HS3ST4: variants seen among roughly 807,000 people sequenced by gnomAD.
The protein encoded by HS3ST4 is heparan sulfate-glucosamine 3-sulfotransferase 4, also known as heparan sulfate glucosamine 3-O-sulfotransferase 4.
Under a neutral mutation model 29.2 loss-of-function variants are expected in HS3ST4, and 17 were observed. The ratio of observed to expected loss-of-function variants is 0.58; its 90% confidence interval spans 0.40 to 0.87. The LOEUF (loss-of-function observed/expected upper bound fraction) is 0.87, where lower values mean the gene tolerates loss of function less well. HS3ST4 is among the 40% of genes least tolerant of loss of function. The probability of loss-of-function intolerance (pLI) is 0.00; values close to 1 mark genes in which losing one functional copy is unlikely to be tolerated. For missense variants in HS3ST4, 627 were observed against 634.5 expected, an observed-to-expected ratio of 0.99 and a Z score of 0.13; for synonymous variants, 314 against 285.7, an observed-to-expected ratio of 1.10 and a Z score of -1.00.
chr16:25,872,356 AC>A (rs1967763968), intron 1 of HS3ST4, among the ~76,000 whole-genome samples: 1 of 152,036 alleles, frequency 6.6e-6, no homozygotes, highest in South Asian at 2.1e-4. Context: ...ATAACACACC[AC>A]CCTGAACTTC....
At position 26,135,854 on chromosome 16, in the gene HS3ST4, CT is replaced by C; in HGVS notation, c.979del (p.Ser327ProfsTer7). The C allele has an allele frequency of 6.2e-7, 1 of 1,614,034 alleles. No individual in the cohort carries two copies. Among genetic ancestry groups the C allele is most frequent in the Non-Finnish European group, 8.5e-7 (1 of 1,179,894 alleles). On this transcript the variant is annotated frameshift_variant, in exon 2 of 2. Transcript: ENST00000331351. LOFTEE classifies it high-confidence loss of function. Reference protein sequence around the residue: ...FKNRTLGLIDASWSAIRIGIY... With the variant: ...FKNRTLGLIDXSWSAIRIGIY... ...AACCGGACCCTCGGGCTGATCGATG[CT>C]TCCTGGAGTGCCATTCGAATAGGGA...
chr16:26,136,000 C>A lies in HS3ST4; in HGVS notation c.1123C>A (p.Leu375Ile). 3.7e-6 allele frequency: 6 copies of A among 1,613,966 alleles called. No homozygotes were observed. The highest frequency in any genetic ancestry group is 5.1e-6 in the Non-Finnish European group (6 of 1,179,868). ...GGAAATGGCCAAAGTACAGGATTTT[C>A]TAGGCCTCAAACGTGTTGTGACTGA... Reference protein sequence around the residue: ...AGEMAKVQDFLGLKRVVTEKH... With the variant: ...AGEMAKVQDFIGLKRVVTEKH... The change falls in exon 2 of 2, where the codon CTA (leucine) becomes ATA (isoleucine). Residue 375 changes from leucine (L) to isoleucine (I), a missense_variant. Transcript: ENST00000331351.
At chr16:25,831,807 A>T (rs1297112294) in intron 1 of HS3ST4, among the ~76,000 whole-genome samples, 2 of 152,112 alleles carry the variant, frequency 1.3e-5, no homozygotes, top group Admixed American at 1.3e-4. Flanking sequence ...ATATGAATAA[A>T]TATTTATAAT....
At chr16:25,743,003 A>G (rs936619390) in intron 1 of HS3ST4, among the ~76,000 whole-genome samples, 3 of 152,204 alleles carry the variant, frequency 2.0e-5, no homozygotes, top group Non-Finnish European at 4.4e-5. Context: ...CCAGAATCCC[A>G]TTGAACTTCC....
At chr16:26,066,850 T>C (rs951241635) in intron 1 of HS3ST4, among the ~76,000 whole-genome samples, 8 of 152,230 alleles carry the variant, frequency 5.3e-5, no homozygotes, top group African/African-American at 1.9e-4. Context: ...TATGCAATGC[T>C]CAGGACATCT....
intron 1 of HS3ST4, among the ~76,000 whole-genome samples, chr16:25,710,027 C>G (rs1292010231): frequency 6.6e-6 from 1 of 152,118 alleles, no homozygotes; most frequent in Non-Finnish European, 1.5e-5. Flanking sequence ...AATTTAACAA[C>G]TAGATAGCCT....
intron 1 of HS3ST4, among the ~76,000 whole-genome samples, chr16:26,130,402 C>T (rs1899401393): frequency 6.6e-6 from 1 of 152,144 alleles, no homozygotes; most frequent in Middle Eastern, 3.2e-3. Context: ...TCCTGACTTC[C>T]AGAGACCATG....
At chr16:25,835,076 G>A (rs1967344024) in intron 1 of HS3ST4, among the ~76,000 whole-genome samples, 1 of 152,186 alleles carries the variant, frequency 6.6e-6, no homozygotes, top group Admixed American at 6.5e-5. Context: ...ATCACCATGA[G>A]TTAGGTTTTA....
At chr16:25,981,989 C>A (rs1329958184) in intron 1 of HS3ST4, among the ~76,000 whole-genome samples, 1 of 152,138 alleles carries the variant, frequency 6.6e-6, no homozygotes, top group Non-Finnish European at 1.5e-5. Flanking sequence ...GGAGATTGTG[C>A]ATGCGTGTGC....
chr16:26,102,205 T>G (rs965414067), intron 1 of HS3ST4, among the ~76,000 whole-genome samples: 2 of 152,008 alleles, frequency 1.3e-5, no homozygotes, highest in East Asian at 3.8e-4. Flanking sequence ...AAAGACTAAA[T>G]CATCCAAAAA....
chr16:25,864,650 T>C (rs372520890), intron 1 of HS3ST4, among the ~76,000 whole-genome samples: 47 of 152,228 alleles, frequency 3.1e-4, no homozygotes, highest in African/African-American at 1.0e-3. Flanking sequence ...GAAGTATTTG[T>C]CTTTCTGTGC....
At chr16:25,809,400 A>G (rs9929120) in intron 1 of HS3ST4, among the ~76,000 whole-genome samples, 35,122 of 152,096 alleles carry the variant, frequency 0.23, 4,396 homozygotes, top group Non-Finnish European at 0.26. Flanking sequence ...CCACTTGGTC[A>G]TGATACATTG....
At chr16:25,896,771 G>C (rs1187660358) in intron 1 of HS3ST4, among the ~76,000 whole-genome samples, 1 of 152,168 alleles carries the variant, frequency 6.6e-6, no homozygotes, top group African/African-American at 2.4e-5. Flanking sequence ...CAGTGGATTG[G>C]ATAAAGAAAA....
intron 1 of HS3ST4, among the ~76,000 whole-genome samples, chr16:25,959,067 T>C (rs550691204): frequency 6.6e-6 from 1 of 152,294 alleles, no homozygotes; most frequent in East Asian, 1.9e-4. Context: ...TGGGAGTGAA[T>C]CTCAAATTCA....
intron 1 of HS3ST4, among the ~76,000 whole-genome samples, chr16:25,895,847 C>T (rs1451844680): frequency 6.6e-6 from 1 of 152,170 alleles, no homozygotes; most frequent in East Asian, 1.9e-4. Flanking sequence ...AAAGCCTCAT[C>T]TTCTGACAAC....
chr16:25,696,787 T>G (rs1185435884), intron 1 of HS3ST4, among the ~76,000 whole-genome samples: 3 of 152,246 alleles, frequency 2.0e-5, no homozygotes, highest in Non-Finnish European at 4.4e-5. Context: ...ATTTTGCATG[T>G]GGCAACTGGG....
rs189603042 is a variant in HS3ST4 at position 25,978,826 on chromosome 16, G to C, written c.735-156786G>C. Among the ~76,000 whole-genome samples the C allele has an allele frequency of 3.4e-4, 52 of 152,266 alleles. No homozygotes were observed. The East Asian group carries it at 8.3e-3, about 24-fold the overall frequency. On this transcript the variant is annotated intron_variant, in intron 1 of 1. Coordinates refer to ENST00000331351, the MANE Select transcript of HS3ST4 (RefSeq NM_006040.3). ...TAGCAAGGCTCAGGCAAAGTGAGGA[G>C]GAAGCCCTGAATGAGAGAAGCTATT... is the stretch of plus-strand genomic sequence containing the variant.
At chr16:25,788,886 G>A (rs1279909454) in intron 1 of HS3ST4, among the ~76,000 whole-genome samples, 3 of 152,038 alleles carry the variant, frequency 2.0e-5, no homozygotes, top group East Asian at 1.9e-4. Flanking sequence ...CAGTGTGATA[G>A]CAATGCCAAG....
At chr16:25,910,994 C>T (rs922772939) in intron 1 of HS3ST4, among the ~76,000 whole-genome samples, 1 of 152,072 alleles carries the variant, frequency 6.6e-6, no homozygotes, top group Non-Finnish European at 1.5e-5. Flanking sequence ...GAGAATAAAA[C>T]AAAATAATTG....
Sources: gnomAD v4.1 joint callset for allele counts (sites outside exome capture counted in the v4.1 genomes callset) on GRCh38, gnomAD v4.1.1 for gene constraint, MANE v1.5 for transcripts, NCBI Gene and HGNC (gene_info 2026-07-23, HGNC 2026-07-21) for gene names.